The following DSCAM variants were observed in gnomAD, a reference collection of about 807,000 sequenced individuals.
DSCAM encodes the protein DS cell adhesion molecule.
In DSCAM, 47 loss-of-function variants were observed where a neutral mutation model predicts 217.7. That is an observed-to-expected ratio of 0.22 (90% CI 0.17 to 0.28). The LOEUF (loss-of-function observed/expected upper bound fraction) is 0.28. DSCAM is among the 10% of genes least tolerant of loss of function. The pLI, the probability that DSCAM is intolerant of heterozygous loss-of-function variation, is 1.00. For synonymous variants in DSCAM, 1,056 were observed against 1,015.3 expected, an observed-to-expected ratio of 1.04 and a Z score of -0.76; for missense variants, 2,080 against 2,618.3, an observed-to-expected ratio of 0.79 and a Z score of 4.49.
intron 10 of DSCAM, among the ~76,000 whole-genome samples, chr21:40,281,977 A>G (rs1176359182): frequency 2.0e-5 from 3 of 152,220 alleles, no homozygotes; most frequent in East Asian, 3.8e-4. Flanking sequence ...GTTTTTAACC[A>G]TATATTGAGA....
chr21:40,093,031 A>G (rs1353423997), intron 21 of DSCAM, among the ~76,000 whole-genome samples: 2 of 152,192 alleles, frequency 1.3e-5, no homozygotes, highest in East Asian at 1.9e-4. Context: ...CCACTGTTCT[A>G]TAACTCAAAA....
intron 3 of DSCAM, among the ~76,000 whole-genome samples, chr21:40,645,137 T>A (rs1022267566): frequency 6.6e-6 from 1 of 152,326 alleles, no homozygotes; most frequent in Middle Eastern, 3.4e-3. Context: ...TAACGTACTC[T>A]CTTCTTGCAT....
chr21:40,434,881 C>A (rs2075569073), intron 3 of DSCAM, among the ~76,000 whole-genome samples: 2 of 152,262 alleles, frequency 1.3e-5, no homozygotes, highest in Admixed American at 1.3e-4. Flanking sequence ...ATGATTATTT[C>A]CTCACAGCCT....
intron 28 of DSCAM, among the ~76,000 whole-genome samples, 194 bp downstream of exon 28, chr21:40,062,675 A>G (rs1260910738): frequency 6.6e-6 from 1 of 152,080 alleles, no homozygotes; most frequent in Non-Finnish European, 1.5e-5. Flanking sequence ...GTCTACAAAT[A>G]CATCATTTTC....
At chr21:40,508,874 G>T (rs1341211503) in intron 3 of DSCAM, among the ~76,000 whole-genome samples, 1 of 141,358 alleles carries the variant, frequency 7.1e-6, no homozygotes, top group Non-Finnish European at 1.5e-5. Flanking sequence ...CTGGCCTCAA[G>T]TAATCCTCCT....
At chr21:40,376,809 T>C (rs934314237) in intron 3 of DSCAM, among the ~76,000 whole-genome samples, 1 of 151,578 alleles carries the variant, frequency 6.6e-6, no homozygotes, top group Non-Finnish European at 1.5e-5. Context: ...GATAAAAATA[T>C]GCACATGTTG....
intron 24 of DSCAM, among the ~76,000 whole-genome samples, chr21:40,082,009 A>AT (rs2089469790): frequency 6.6e-6 from 1 of 151,540 alleles, no homozygotes; most frequent in Non-Finnish European, 1.5e-5. Flanking sequence ...GGTGCCCCCT[A>AT]TTTTTTTCCT....
At position 40,347,778 on chromosome 21, in the gene DSCAM, C is replaced by T. The variant is rs369222297; in HGVS notation, c.1102G>A (p.Glu368Lys). The T allele has an allele frequency of 1.3e-5, 21 of 1,614,054 alleles. No homozygotes were observed. Among genetic ancestry groups the T allele is most frequent in the South Asian group, 1.2e-4 (11 of 91,094 alleles). Reference protein sequence around the residue: ...KNVRITGINHENLIMDHMVKS... With the variant: ...KNVRITGINHKNLIMDHMVKS... ...ACCATGTGATCCATTATAAGGTTTTCGTGGTTGATCCCTGTGATCCTCACA... is the reference window on the plus strand; with the variant it reads ...ACCATGTGATCCATTATAAGGTTTTTGTGGTTGATCCCTGTGATCCTCACA... The change falls in exon 6 of 33, where the codon GAA becomes AAA. Residue 368 changes from glutamate to lysine, a missense_variant. Glu to Lys is a moderately conservative substitution (Grantham distance 56). This residue lies in a region of DSCAM where 568 missense variants were observed against 678.1 expected (regional missense o/e 0.84). Transcript: ENST00000400454.
At chr21:40,397,742 A>T (rs1443782052) in intron 3 of DSCAM, among the ~76,000 whole-genome samples, 1 of 151,846 alleles carries the variant, frequency 6.6e-6, no homozygotes, top group Non-Finnish European at 1.5e-5. Flanking sequence ...TACTACTACC[A>T]CTATTACCAC....
At chr21:40,811,107 G>C (rs1391676396) in intron 1 of DSCAM, among the ~76,000 whole-genome samples, 65 of 152,178 alleles carry the variant, frequency 4.3e-4, no homozygotes, top group Non-Finnish European at 1.0e-4. Context: ...GGAAGGCTCA[G>C]TGTGTCCCTA....
At chr21:40,399,196 G>A (rs1244056440) in intron 3 of DSCAM, among the ~76,000 whole-genome samples, 2 of 152,182 alleles carry the variant, frequency 1.3e-5, no homozygotes, top group African/African-American at 2.4e-5. Flanking sequence ...CTTGAAACTG[G>A]GAGGTCAAGG....
intron 3 of DSCAM, among the ~76,000 whole-genome samples, chr21:40,538,154 C>A (rs16999950): frequency 0.078 from 11,858 of 152,186 alleles, 893 homozygotes; most frequent in African/African-American, 0.19. Flanking sequence ...TGGGGATAGC[C>A]TCTCTCCCAT....
At position 40,494,688 on chromosome 21, in the gene DSCAM, C is replaced by T. The variant is rs549083377; in HGVS notation, c.509-125443G>A. Among the ~76,000 whole-genome samples the T allele has an allele frequency of 1.3e-4, 19 of 151,194 alleles. 1 individual carries two copies. The highest frequency in any genetic ancestry group is 4.4e-4 in the African/African-American group (18 of 41,286). On this transcript the variant is annotated intron_variant, in intron 3 of 32. Transcript: ENST00000400454. Reference sequence around the variant, plus strand: ...GATGATTTCAAATAACCTAAAGTTACACTTCAAGGAACAAGAAAAAGGAGA... The same window carrying T: ...GATGATTTCAAATAACCTAAAGTTATACTTCAAGGAACAAGAAAAAGGAGA...
Position 40,187,204 on chromosome 21 carries a change from C to G in DSCAM, c.2706G>C (p.Thr902=), listed in dbSNP as rs770251174. The G allele has an allele frequency of 2.5e-6, 4 of 1,614,086 alleles. No homozygotes were observed. In the Admixed American group the frequency reaches 6.7e-5, roughly 27 times the overall value. The stretch of plus-strand genomic sequence containing the variant: ...CATCAAACCCCATGGTCCACCTGAG[C>G]GTAATTGTGCGTGCTTTGACATCTT... ...EIKDVKARTI[T]LRWTMGFDGN... Residue 902 remains threonine, a synonymous_variant, in exon 14 of 33, where the codon ACG becomes ACC. Coordinates refer to ENST00000400454, the MANE Select transcript of DSCAM (RefSeq NM_001389.5).
Position 40,175,780 on chromosome 21 carries a change from TACAC to T in DSCAM, c.2947+3143_2947+3146del, listed in dbSNP as rs35339524. ...AGCATATATTTTCTCAACACACACA[TACAC>T]ACACACACACACACACACACACACG... On this transcript the variant is annotated intron_variant, in intron 15 of 32. Coordinates refer to ENST00000400454, the MANE Select transcript of DSCAM (RefSeq NM_001389.5). 3.3e-3 allele frequency among the ~76,000 whole-genome samples: 474 copies of T among 144,936 alleles called. 4 individuals are homozygous for T. Among genetic ancestry groups the T allele is most frequent in the African/African-American group, 0.011 (429 of 38,616 alleles).
chr21:40,803,595 G>A (rs765208479), intron 1 of DSCAM, among the ~76,000 whole-genome samples: 4 of 152,130 alleles, frequency 2.6e-5, no homozygotes, highest in Non-Finnish European at 4.4e-5. Context: ...ATTTAGAAAG[G>A]TGACATATGT....
rs540063283 is a variant in DSCAM, at chr21:40,673,917, A to G, written c.508+18893T>C. Among the ~76,000 whole-genome samples the G allele has an allele frequency of 1.4e-4, 22 of 152,214 alleles. No homozygotes were observed. The East Asian group carries it at 2.5e-3, about 17-fold the overall frequency. On this transcript the variant is annotated intron_variant, in intron 3 of 32. Coordinates refer to ENST00000400454, the MANE Select transcript of DSCAM (RefSeq NM_001389.5). ...GTTAAATCTCTTTTCCTTATAAATT[A>G]CCCAGCCTCAGGTATTTCTTTACAG...
intron 3 of DSCAM, among the ~76,000 whole-genome samples, chr21:40,681,131 G>A (rs531267757): frequency 1.4e-4 from 22 of 152,346 alleles, no homozygotes; most frequent in East Asian, 3.9e-4. Flanking sequence ...CTGATGAGTC[G>A]TTTGTCCATT....
rs1313074985 is a variant in DSCAM, at chr21:40,764,910, G to A, written c.44-56139C>T. On this transcript the variant is annotated intron_variant, in intron 1 of 32. Coordinates refer to ENST00000400454, the MANE Select transcript of DSCAM (RefSeq NM_001389.5). ...GTGGGAGTTGAACAATGAGAACACA[G>A]GGGCACAGAGAGGGGAACATCACAC... Among the ~76,000 whole-genome samples the A allele has an allele frequency of 4.6e-5, 7 of 151,998 alleles. No individual in the cohort carries two copies. The South Asian group carries it at 6.2e-4, about 14-fold the overall frequency.
Sources: gnomAD v4.1 joint callset for allele counts (sites outside exome capture counted in the v4.1 genomes callset) on GRCh38, gnomAD v4.1.1 for gene constraint, gnomAD v4.1.1 regional missense constraint, MANE v1.5 for transcripts, NCBI Gene and HGNC (gene_info 2026-07-23, HGNC 2026-07-21) for gene names.